ZP2: variants seen among roughly 807,000 people sequenced by gnomAD.
ZP2 encodes the protein zona pellucida sperm-binding protein 2.
Under a neutral mutation model 84.0 loss-of-function variants are expected in ZP2, and 51 were observed. The observed-to-expected ratio is 0.61, with a 90% CI of 0.49 to 0.77. The LOEUF is 0.77. Among genes scored for constraint, ZP2 ranks in the 30% least tolerant of loss-of-function variants. The probability of loss-of-function intolerance (pLI) is 0.00; values close to 1 mark genes in which losing one functional copy is unlikely to be tolerated. For synonymous variants in ZP2, 375 were observed against 330.9 expected, an observed-to-expected ratio of 1.13 and a Z score of -1.45; for missense variants, 909 against 911.9, an observed-to-expected ratio of 1.00 and a Z score of 0.04.
intron 13 of ZP2, 45 bp from the exon 14 acceptor site, chr16:21,201,603 T>A (rs375630162): frequency 8.7e-6 from 14 of 1,603,682 alleles, no homozygotes; most frequent in Non-Finnish European, 1.1e-5. Context: ...GCAACACAGA[T>A]TCATAGGTCA....
At position 21,205,541 on chromosome 16, in the gene ZP2, C is replaced by T. The variant is rs749254725; in HGVS notation, c.572G>A (p.Gly191Asp). ...CAGGGTCAGAGTTTTGGCTCTTGCACCATCACCAACCTCAATGCTCCATCC... is the reference window on the plus strand; with the variant it reads ...CAGGGTCAGAGTTTTGGCTCTTGCATCATCACCAACCTCAATGCTCCATCC... ...QMGWSIEVGD[G>D]ARAKTLTLPE... Residue 191 changes from glycine to aspartate, a missense_variant, in exon 7 of 19, where the codon GGT becomes GAT. Transcript: ENST00000574091. 5 of 1,614,096 alleles carry T rather than the reference C, an allele frequency of 3.1e-6. No homozygotes were observed. The South Asian group carries it at 5.5e-5, about 18-fold the overall frequency.
intron 17 of ZP2, 74 bp from the exon 18 acceptor site, chr16:21,197,923 A>G: frequency 7.0e-7 from 1 of 1,425,054 alleles, no homozygotes; most frequent in Admixed American, 1.7e-5. Context: ...TGAGGGTGTG[A>G]TCCCACAGGT....
chr16:21,211,874 C>A, upstream of ZP2: 2 of 936,808 alleles, frequency 2.1e-6, no homozygotes, highest in South Asian at 2.2e-5. Context: ...AATGTAGAGC[C>A]AAAGAGAATC....
chr16:21,213,571 G>A (rs1168284166), upstream of ZP2, among the ~76,000 whole-genome samples: 2 of 152,178 alleles, frequency 1.3e-5, no homozygotes, highest in Admixed American at 6.5e-5. Flanking sequence ...TCCAGAAGAT[G>A]TGCCTGGGAA....
At chr16:21,207,357 A>T (rs1443331654) in intron 4 of ZP2, among the ~76,000 whole-genome samples, 5 of 152,118 alleles carry the variant, frequency 3.3e-5, no homozygotes, top group African/African-American at 1.2e-4. Flanking sequence ...TACCCTTGCT[A>T]TTACCCCTGA....
At position 21,205,574 on chromosome 16, in the gene ZP2, A is replaced by G; in HGVS notation, c.539T>C (p.Val180Ala). Residue 180 changes from valine (V) to alanine (A), a missense_variant, in exon 7 of 19, where the codon GTT becomes GCT. Transcript: ENST00000574091. ...GLADDSKGTK[V>A]QMGWSIEVGD... ...AACCTCAATGCTCCATCCCATCTGAACTTTGGTCCCCTGAAGTCAAAAAGC... is the reference window on the plus strand; with the variant it reads ...AACCTCAATGCTCCATCCCATCTGAGCTTTGGTCCCCTGAAGTCAAAAAGC... 1 of 1,614,094 alleles carries G rather than the reference A, an allele frequency of 6.2e-7. No homozygotes were observed. The highest frequency in any genetic ancestry group is 8.5e-7 in the Non-Finnish European group (1 of 1,179,996).
intron 2 of ZP2, 88 bp from the exon 3 acceptor site, chr16:21,210,280 G>GTCT: frequency 9.7e-7 from 1 of 1,029,988 alleles, no homozygotes; most frequent in Non-Finnish European, 1.5e-6. Flanking sequence ...AGATGGGAGG[G>GTCT]ATTCCAGATG....
At chr16:21,202,329 C>T (rs145342588) in intron 10 of ZP2, 38 bp from the exon 11 acceptor site, 1 of 1,479,448 alleles carries the variant, frequency 6.8e-7, no homozygotes, top group Non-Finnish European at 9.0e-7. Flanking sequence ...ATAAGTTTGT[C>T]TGCCCTGTGA....
At chr16:21,201,001 C>T (rs1039565678) in intron 14 of ZP2, among the ~76,000 whole-genome samples, 2 of 152,120 alleles carry the variant, frequency 1.3e-5, no homozygotes, top group African/African-American at 4.8e-5. Flanking sequence ...GAGTTCGAGA[C>T]CAGCCTGGCC....
At position 21,205,991 on chromosome 16, in the gene ZP2, G is replaced by A. The variant is rs1311506653; in HGVS notation, c.484-216C>T. 1.7e-5 allele frequency: 10 copies of A among 577,596 alleles called. No homozygotes were observed. In the South Asian group the frequency reaches 2.0e-4, roughly 12 times the overall value. 35.8% of individuals were successfully genotyped at this position (577,596 alleles called of 1,614,324 possible). On this transcript the variant is annotated intron_variant, in intron 5 of 18. Coordinates refer to ENST00000574091, the MANE Select transcript of ZP2 (RefSeq NM_001376232.1). ...GGAAGATCTAAGCTCCTTTCCAGTT[G>A]TAAGTTGGGACACATTTCTCCCCCC... is the stretch of plus-strand genomic sequence containing the variant.
At position 21,210,273 on chromosome 16, in the gene ZP2, T is replaced by C. The variant is rs984564604; in HGVS notation, c.152-81A>G. ...CAAAAGTGTATAGACTCCTCTCAGA[T>C]GGGAGGGATTCCAGATGAGGGAGGC... On this transcript the variant is annotated intron_variant, in intron 2 of 18. Transcript: ENST00000574091. 82 of 1,109,648 alleles carry C rather than the reference T, an allele frequency of 7.4e-5. 1 individual carries two copies. Among genetic ancestry groups the C allele is most frequent in the Middle Eastern group, 2.0e-4 (1 of 5,018 alleles). 68.7% of individuals were successfully genotyped at this position (1,109,648 alleles called of 1,614,324 possible).
upstream of ZP2, among the ~76,000 whole-genome samples, chr16:21,213,548 C>A (rs1172305904): frequency 6.6e-6 from 1 of 152,154 alleles, no homozygotes; most frequent in Non-Finnish European, 1.5e-5. Flanking sequence ...CCAAAAGCTG[C>A]TGAATTAGAC....
chr16:21,209,952 C>T, intron 3 of ZP2, 157 bp downstream of exon 3: 1 of 729,210 alleles, frequency 1.4e-6, no homozygotes, highest in Non-Finnish European at 2.4e-6. Context: ...GTCTTCCATG[C>T]TGGGTGGCTT....
At position 21,204,120 on chromosome 16, in the gene ZP2, A is replaced by G; in HGVS notation, c.882T>C (p.Ile294=). 2 of 1,614,078 alleles carry G rather than the reference A, an allele frequency of 1.2e-6. 1 individual carries two copies. The highest frequency in any genetic ancestry group is 2.2e-5 in the South Asian group (2 of 91,088). Residue 294 remains isoleucine, a synonymous_variant, in exon 9 of 19, where the codon ATT becomes ATC. Coordinates refer to ENST00000574091, the MANE Select transcript of ZP2 (RefSeq NM_001376232.1). The part of the protein sequence containing the change: ...LKSVSFENQN[I]DVSQLHDNGI... ...CATTGTCATGCAGCTGGCTCACATCAATGTTCTGGTTTTCAAAGCTCACAG... is the reference window on the plus strand; with the variant it reads ...CATTGTCATGCAGCTGGCTCACATCGATGTTCTGGTTTTCAAAGCTCACAG...
At chr16:21,207,605 G>T (rs1318150346) in intron 4 of ZP2, among the ~76,000 whole-genome samples, 1 of 151,602 alleles carries the variant, frequency 6.6e-6, no homozygotes, top group Non-Finnish European at 1.5e-5. Flanking sequence ...GTGCAACATG[G>T]TGAGAGACTC....
At chr16:21,209,338 T>G (rs1282841556) in intron 4 of ZP2, among the ~76,000 whole-genome samples, 1 of 152,142 alleles carries the variant, frequency 6.6e-6, no homozygotes, top group African/African-American at 2.4e-5. Flanking sequence ...CAGCTAGTTT[T>G]TTGTATTTTT....
chr16:21,198,731 A>G, intron 17 of ZP2, 48 bp downstream of exon 17: 1 of 1,553,598 alleles, frequency 6.4e-7, no homozygotes, highest in Non-Finnish European at 8.9e-7. Flanking sequence ...TTGGCATAAA[A>G]AGCTAAGAAC....
At chr16:21,204,009 G>C (rs1567214101) in intron 9 of ZP2, 21 bp downstream of exon 9, 2 of 1,609,594 alleles carry the variant, frequency 1.2e-6, no homozygotes, top group Non-Finnish European at 1.7e-6. Flanking sequence ...GTGGAGTTCA[G>C]TGGTTGACAA....
At chr16:21,202,988 G>T in intron 10 of ZP2, 137 bp downstream of exon 10, 1 of 1,072,772 alleles carries the variant, frequency 9.3e-7, no homozygotes, top group Non-Finnish European at 1.3e-6. Flanking sequence ...CAGCTACACT[G>T]TTTCTAATCT....
Sources: gnomAD v4.1 joint callset for allele counts (sites outside exome capture counted in the v4.1 genomes callset) on GRCh38, gnomAD v4.1.1 for gene constraint, MANE v1.5 for transcripts, NCBI Gene and HGNC (gene_info 2026-07-23, HGNC 2026-07-21) for gene names.